HERC3: variants seen among roughly 807,000 people sequenced by gnomAD.
The protein encoded by HERC3 is probable E3 ubiquitin-protein ligase HERC3.
Under a neutral mutation model 129.9 loss-of-function variants are expected in HERC3, and 58 were observed. That is an observed-to-expected ratio of 0.45 (90% CI 0.36 to 0.56). The LOEUF is 0.56. HERC3 is among the 20% of genes least tolerant of loss of function. HERC3 has a pLI of 0.00. For missense variants in HERC3, 835 were observed against 1,244.2 expected (o/e 0.67, Z 4.95); for synonymous variants, 430 against 451.0 (o/e 0.95, Z 0.59).
intron 3 of HERC3, among the ~76,000 whole-genome samples, chr4:88,624,655 G>T (rs1478264569): frequency 6.6e-6 from 1 of 152,088 alleles, no homozygotes; most frequent in Admixed American, 6.5e-5. Flanking sequence ...CTTCCAATCT[G>T]GTTTTCCTTT....
rs145084918 is a variant in HERC3 at position 88,670,631 on chromosome 4, T to C, written c.1911+379T>C. 3.2e-3 allele frequency among the ~76,000 whole-genome samples: 487 copies of C among 151,278 alleles called. 6 individuals are homozygous for C. Among genetic ancestry groups the C allele is most frequent in the African/African-American group, 0.011 (466 of 40,960 alleles). On this transcript the variant is annotated intron_variant, in intron 16 of 25. Coordinates refer to ENST00000402738, the MANE Select transcript of HERC3 (RefSeq NM_014606.3). ...AAGATAAGAAAGTTTGGAGATCCAA[T>C]TGTACACCAGTGTGACTATACTTAA...
chr4:88,578,581 TAAA>T, the HERC3 span, among the ~76,000 whole-genome samples: 3 of 114,224 alleles, frequency 2.6e-5, no homozygotes, highest in East Asian at 2.2e-4. Context: ...AACTCCATCA[TAAA>T]AAAAAAAAAA....
Position 88,655,875 on chromosome 4 carries a change from A to T in HERC3, c.909A>T (p.Arg303Ser). 2 of 1,603,616 alleles carry T rather than the reference A, an allele frequency of 1.2e-6. No homozygotes were observed. The highest frequency in any genetic ancestry group is 1.7e-6 in the Non-Finnish European group (2 of 1,173,756). Reference sequence around the variant, plus strand: ...GATGAGTTAAATTATTTTTTCACAGACAACATACCCTAGCCTTCGTGCCTT... The same window carrying T: ...GATGAGTTAAATTATTTTTTCACAGTCAACATACCCTAGCCTTCGTGCCTT... ...GSEVTQIACG[R>S]QHTLAFVPSS... The change falls in exon 9 of 26, where the codon AGA (arginine) becomes AGT (serine). Residue 303 changes from arginine to serine, a missense_variant and splice_region_variant. By Grantham distance (110) the Arg-to-Ser change is moderately radical. Transcript: ENST00000402738.
rs765772046 is a variant in HERC3, at chr4:88,704,193, G to C, written c.2753G>C (p.Gly918Ala). ...TCTAGTGGCTTCCTAAAGGTGTGTG[G>C]TGGCAAAGTACTTGAGCTCTTCCAG... ...AFSSGFLKVC[G>A]GKVLELFQPS... The change falls in exon 24 of 26, where the codon GGT (glycine) becomes GCT (alanine). Residue 918 changes from glycine to alanine, a missense_variant. By Grantham distance (60) the Gly-to-Ala change is moderately conservative. Transcript: ENST00000402738. 1.2e-6 allele frequency: 2 copies of C among 1,614,148 alleles called. No individual in the cohort carries two copies. Among genetic ancestry groups the C allele is most frequent in the South Asian group, 1.1e-5 (1 of 91,080 alleles).
At chr4:88,635,591 C>G (rs1248771082) in intron 3 of HERC3, among the ~76,000 whole-genome samples, 5 of 152,062 alleles carry the variant, frequency 3.3e-5, no homozygotes, top group Non-Finnish European at 1.5e-5. Flanking sequence ...AGGATATTAT[C>G]CAGGAGAACT....
the HERC3 span, among the ~76,000 whole-genome samples, chr4:88,571,263 G>A: frequency 2.0e-5 from 3 of 152,174 alleles, no homozygotes; most frequent in Admixed American, 2.0e-4. Flanking sequence ...TGAGAAAAAT[G>A]ATCCTTAGGG....
At chr4:88,676,460 T>A (rs766054039) in intron 18 of HERC3, 37 bp downstream of exon 18, 1 of 1,382,604 alleles carries the variant, frequency 7.2e-7, no homozygotes, top group East Asian at 2.3e-5. Flanking sequence ...CTTTTTACTG[T>A]GTTTCTCCCA....
chr4:88,671,706 T>C (rs1352863845), intron 16 of HERC3, among the ~76,000 whole-genome samples: 3 of 152,062 alleles, frequency 2.0e-5, no homozygotes, highest in Admixed American at 6.6e-5. Flanking sequence ...GTATTTTTTG[T>C]AGAGATGGGG....
the HERC3 span, among the ~76,000 whole-genome samples, chr4:88,583,192 C>G: frequency 6.6e-6 from 1 of 151,666 alleles, no homozygotes; most frequent in Non-Finnish European, 1.5e-5. Context: ...AATCTCAGCA[C>G]TTGGGGAGGC....
intron 23 of HERC3, chr4:88,697,680 C>T: frequency 1.2e-6 from 2 of 1,612,474 alleles, no homozygotes; most frequent in Non-Finnish European, 1.7e-6. Flanking sequence ...CCGCCATTAC[C>T]TCCTCTGCCG....
In HERC3 at chr4:88,697,773, G is replaced by C. The variant is rs11554723; in HGVS notation, c.2658-6325G>C. 2.5e-6 allele frequency: 4 copies of C among 1,569,138 alleles called. No homozygotes were observed. In the South Asian group the frequency reaches 4.7e-5, roughly 18 times the overall value. On this transcript the variant is annotated intron_variant, in intron 23 of 25. Coordinates refer to ENST00000402738, the MANE Select transcript of HERC3 (RefSeq NM_014606.3). ...CGGCCATGTTAGAGGAGAAGCCGCA[G>C]AGGTCTAGGAGGGCTCCCGCAGAGG...
the HERC3 span, among the ~76,000 whole-genome samples, chr4:88,540,856 A>AGG: frequency 6.6e-6 from 1 of 152,222 alleles, no homozygotes; most frequent in African/African-American, 2.4e-5. Flanking sequence ...TCATAAGTGA[A>AGG]GGAGAAATAA....
chr4:88,678,552 A>G (rs1169912867), intron 19 of HERC3, among the ~76,000 whole-genome samples: 2 of 152,234 alleles, frequency 1.3e-5, no homozygotes, highest in African/African-American at 4.8e-5. Flanking sequence ...CTATTGGCCT[A>G]TTATGAGAGG....
intron 23 of HERC3, among the ~76,000 whole-genome samples, chr4:88,694,636 G>C (rs1230173613): frequency 6.6e-6 from 1 of 152,118 alleles, no homozygotes; most frequent in Non-Finnish European, 1.5e-5. Flanking sequence ...GAACATTATG[G>C]TAATTATATT....
chr4:88,652,769 G>T, intron 5 of HERC3, 100 bp from the exon 6 acceptor site: 2 of 1,257,050 alleles, frequency 1.6e-6, no homozygotes, highest in Non-Finnish European at 1.1e-6. Flanking sequence ...GGTGGGTTTG[G>T]TGTTGGGGGG....
At chr4:88,610,277 A>G (rs1724151427) in intron 3 of HERC3, among the ~76,000 whole-genome samples, 1 of 151,866 alleles carries the variant, frequency 6.6e-6, no homozygotes, top group Admixed American at 6.6e-5. Context: ...ACATGGTGAA[A>G]CCCCATCTGT....
At chr4:88,696,702 A>G (rs1335524625) in intron 23 of HERC3, 2 of 153,294 alleles carry the variant, frequency 1.3e-5, no homozygotes, top group East Asian at 3.8e-4. Context: ...TGAAGTGTAA[A>G]GCTGATGTCT....
At chr4:88,690,843 T>A (rs1402607881) in intron 23 of HERC3, among the ~76,000 whole-genome samples, 1 of 152,206 alleles carries the variant, frequency 6.6e-6, no homozygotes, top group Non-Finnish European at 1.5e-5. Flanking sequence ...GACATTTCTT[T>A]GAATCAACAA....
At chr4:88,664,047 C>A in intron 11 of HERC3, 106 bp from the exon 12 acceptor site, 1 of 836,486 alleles carries the variant, frequency 1.2e-6, no homozygotes, top group Non-Finnish European at 1.8e-6. Flanking sequence ...CAAAGAGCTG[C>A]TATTAATGAA....
Sources: allele counts gnomAD v4.1 joint callset (sites outside exome capture counted in the v4.1 genomes callset), GRCh38; gene constraint gnomAD v4.1.1; transcripts MANE v1.5; gene names NCBI Gene and HGNC (gene_info 2026-07-23, HGNC 2026-07-21).